The following PCDHGB1 variants were observed in gnomAD, a reference collection of about 807,000 sequenced individuals.
PCDHGB1 encodes the protein protocadherin gamma-B1.
PCDHGB1 carries 34 observed loss-of-function variants against 56.6 expected under a neutral mutation model. That is an observed-to-expected ratio of 0.60 (90% CI 0.46 to 0.80). The LOEUF is 0.80. PCDHGB1 is among the 30% of genes least tolerant of loss of function. PCDHGB1 has a pLI of 0.00. For missense variants in PCDHGB1, 1,278 were observed against 1,204.6 expected, an observed-to-expected ratio of 1.06 and a Z score of -0.90; for synonymous variants, 561 against 505.9, an observed-to-expected ratio of 1.11 and a Z score of -1.46.
At chr5:141,355,926 C>T (rs1394652053) in intron 1 of PCDHGB1, 5 of 1,613,758 alleles carry the variant, frequency 3.1e-6, no homozygotes, top group Admixed American at 1.7e-5. Context: ...CTCCCGTGTT[C>T]ACTCAGCCCG....
At chr5:141,394,458 A>G (rs776488659) in intron 1 of PCDHGB1, 1 of 1,614,218 alleles carries the variant, frequency 6.2e-7, no homozygotes, top group South Asian at 1.1e-5. Context: ...CATGTCACTG[A>G]GCCTGTTCGT....
chr5:141,420,246 T>C (rs1216078492), intron 1 of PCDHGB1: 3 of 1,583,234 alleles, frequency 1.9e-6, no homozygotes, highest in African/African-American at 2.7e-5. Context: ...ACTCCCAGCG[T>C]TGAAGCAGAT....
chr5:141,489,692 G>A lies in PCDHGB1; in HGVS notation c.2410-5115G>A. 1.9e-6 allele frequency: 3 copies of A among 1,614,128 alleles called. No individual in the cohort carries two copies. The highest frequency in any genetic ancestry group is 1.7e-6 in the Non-Finnish European group (2 of 1,179,980). On this transcript the variant is annotated intron_variant, in intron 1 of 3. Coordinates refer to ENST00000523390, the MANE Select transcript of PCDHGB1 (RefSeq NM_018922.3). The surrounding 1 kb of genome is among the most constrained non-coding windows in gnomAD (Gnocchi z 4.5). The stretch of plus-strand genomic sequence containing the variant: ...TCAGAATCAGCAGCATCTGGGGCAC[G>A]ATTCCCACTGGACAGTGCCCAGGAT...
chr5:141,500,497 C>T (rs1214550546), intron 2 of PCDHGB1, among the ~76,000 whole-genome samples: 1 of 152,174 alleles, frequency 6.6e-6, no homozygotes, highest in Non-Finnish European at 1.5e-5. Context: ...GCGTGAGCCA[C>T]CGCGCCTGGC....
intron 1 of PCDHGB1, among the ~76,000 whole-genome samples, chr5:141,368,562 A>G (rs1765727979): frequency 6.6e-6 from 1 of 152,144 alleles, no homozygotes; most frequent in African/African-American, 2.4e-5. Flanking sequence ...AGAAAATGTT[A>G]TATGCTTCTT....
chr5:141,376,438 T>C lies in PCDHGB1; in HGVS notation c.2409+23769T>C, dbSNP rs752669729. 6.2e-6 allele frequency: 10 copies of C among 1,614,058 alleles called. No homozygotes were observed. The Admixed American group carries it at 8.3e-5, about 13-fold the overall frequency. On this transcript the variant is annotated intron_variant, in intron 1 of 3. Coordinates refer to ENST00000523390, the MANE Select transcript of PCDHGB1 (RefSeq NM_018922.3). ...ACACGCTTATCAACCAGGAGAGCTA[T>C]GAGAAAAGCGAGCCTCTTCTGATAA...
At chr5:141,376,955 G>A (rs1473018804) in intron 1 of PCDHGB1, 1 of 163,724 alleles carries the variant, frequency 6.1e-6, no homozygotes, top group Admixed American at 5.9e-5. Flanking sequence ...CCAAAGTGCT[G>A]GGATTACAGG....
chr5:141,354,288 AAAC>A, intron 1 of PCDHGB1, among the ~76,000 whole-genome samples: 1 of 152,310 alleles, frequency 6.6e-6, no homozygotes, highest in East Asian at 1.9e-4. Context: ...GTCATTCATG[AAAC>A]ATTGAAAGGT....
chr5:141,433,199 A>G (rs2097574804), intron 1 of PCDHGB1: 1 of 1,579,570 alleles, frequency 6.3e-7, no homozygotes, highest in Non-Finnish European at 8.6e-7. Context: ...TTTATATCAA[A>G]TCTTCTTTCT....
chr5:141,415,465 A>G (rs751798354), intron 1 of PCDHGB1: 19 of 1,613,976 alleles, frequency 1.2e-5, no homozygotes, highest in Non-Finnish European at 1.5e-5. Context: ...GGTCTCTCTC[A>G]CCGCGGACTC....
In PCDHGB1 at chr5:141,366,896, A is replaced by T. The variant is rs73265840; in HGVS notation, c.2409+14227A>T. On this transcript the variant is annotated intron_variant, in intron 1 of 3. Coordinates refer to ENST00000523390, the MANE Select transcript of PCDHGB1 (RefSeq NM_018922.3). The stretch of plus-strand genomic sequence containing the variant: ...GAGATTAATTTTTTTTATATAATTC[A>T]TGCTTTCTCCATTTGTTTTCAAATT... The T allele has an allele frequency of 1.9e-3, 2,253 of 1,216,574 alleles. 33 individuals carry two copies. The African/African-American group carries it at 0.031, about 17-fold the overall frequency. The allele number at this position is 1,216,574 out of a possible 1,614,324, so 75.4% of individuals were successfully genotyped here.
intron 1 of PCDHGB1, chr5:141,478,551 G>A (rs759604162): frequency 6.2e-6 from 10 of 1,603,054 alleles, no homozygotes; most frequent in South Asian, 3.3e-5. Context: ...GGACAGGTAA[G>A]GTTTAGCAAG....
Position 141,371,577 on chromosome 5 carries a change from G to A in PCDHGB1, c.2409+18908G>A, listed in dbSNP as rs202142331. The A allele has an allele frequency of 9.5e-4, 1,537 of 1,613,860 alleles. 3 individuals carry two copies. The highest frequency in any genetic ancestry group is 1.3e-3 in the Middle Eastern group (8 of 6,062). On this transcript the variant is annotated intron_variant, in intron 1 of 3. Transcript: ENST00000523390. The stretch of plus-strand genomic sequence containing the variant: ...AAAAGGAAACTTCCCCTTTAAAATC[G>A]TTCAAGATACCAAAAACACATACAG...
chr5:141,431,464 G>A lies in PCDHGB1; in HGVS notation c.2410-63343G>A. The A allele has an allele frequency of 1.9e-6, 3 of 1,613,782 alleles. No individual in the cohort carries two copies. Among genetic ancestry groups the A allele is most frequent in the Non-Finnish European group, 1.7e-6 (2 of 1,179,972 alleles). ...GCATCCGCGTGATGGTTCTGGATGC[G>A]AACGACAACGCACCAGCGTTTGCTC... On this transcript the variant is annotated intron_variant, in intron 1 of 3. Coordinates refer to ENST00000523390, the MANE Select transcript of PCDHGB1 (RefSeq NM_018922.3). This position sits in a 1 kb window ranked among gnomAD's most constrained non-coding sequence, Gnocchi z 4.8.
intron 1 of PCDHGB1, chr5:141,403,395 C>T (rs758295115): frequency 3.7e-6 from 6 of 1,614,084 alleles, no homozygotes; most frequent in Admixed American, 3.3e-5. Context: ...ATCGCGGTTC[C>T]TGGAGCACGT....
At chr5:141,367,035 T>G (rs977436173) in intron 1 of PCDHGB1, 1 of 366,848 alleles carries the variant, frequency 2.7e-6, no homozygotes, top group Non-Finnish European at 4.9e-6. Flanking sequence ...GGAACTGCAG[T>G]TCTATTAATA....
At chr5:141,387,891 A>T (rs774395551) in intron 1 of PCDHGB1, 36 of 1,554,882 alleles carry the variant, frequency 2.3e-5, no homozygotes, top group Non-Finnish European at 2.9e-5. Context: ...AGGGATGGGG[A>T]GCGGCGCCGG....
Position 141,491,858 on chromosome 5 carries a change from A to G in PCDHGB1, c.2410-2949A>G, listed in dbSNP as rs17208425. 297,575 of 1,456,446 alleles carry G rather than the reference A, an allele frequency of 0.2. 31,644 individuals are homozygous for G. The highest frequency in any genetic ancestry group is 0.33 in the Admixed American group (11,758 of 35,494). 90.2% of individuals were successfully genotyped at this position (1,456,446 alleles called of 1,614,324 possible). On this transcript the variant is annotated intron_variant, in intron 1 of 3. Transcript: ENST00000523390. This position sits in a 1 kb window ranked among gnomAD's most constrained non-coding sequence, Gnocchi z 6.9. ...TCGGGATCATTGGACCGTTTGCGCG[A>G]AACCAGAGTGGCCGATTAAGGGATG... is the stretch of plus-strand genomic sequence containing the variant.
intron 1 of PCDHGB1, chr5:141,391,782 T>C (rs2092421963): frequency 6.6e-6 from 1 of 152,222 alleles, no homozygotes; most frequent in African/African-American, 2.4e-5. Flanking sequence ...GTCATTACTT[T>C]TTGCAGTTTT....
Sources: allele counts gnomAD v4.1 joint callset (sites outside exome capture counted in the v4.1 genomes callset), GRCh38; gene constraint gnomAD v4.1.1; non-coding constraint Gnocchi (gnomAD v3.1); transcripts MANE v1.5; gene names NCBI Gene and HGNC (gene_info 2026-07-23, HGNC 2026-07-21).